Variants in FOXP4 observed in about 807,000 individuals in gnomAD.
The protein encoded by FOXP4 is forkhead box P4, also known as forkhead box protein P4.
Under a neutral mutation model 82.6 loss-of-function variants are expected in FOXP4, and 25 were observed. That is an observed-to-expected ratio of 0.30 (90% CI 0.22 to 0.42). The LOEUF is 0.42. FOXP4 is among the 10% of genes least tolerant of loss of function. The pLI is 1.00. For synonymous variants in FOXP4, 415 were observed against 388.2 expected, an observed-to-expected ratio of 1.07 and a Z score of -0.81; for missense variants, 785 against 900.9, an observed-to-expected ratio of 0.87 and a Z score of 1.65.
At chr6:41,594,748 G>A in intron 13 of FOXP4, 122 bp from the exon 14 acceptor site, 5 of 1,454,144 alleles carry the variant, frequency 3.4e-6, no homozygotes, top group African/African-American at 1.4e-5. Flanking sequence ...CCCCTCCCCT[G>A]CTCATCCCTG....
chr6:41,590,089 G>A lies in FOXP4; in HGVS notation c.1276G>A (p.Gly426Ser), dbSNP rs377667135. 1.5e-5 allele frequency: 25 copies of A among 1,613,604 alleles called. No homozygotes were observed. Among genetic ancestry groups the A allele is most frequent in the South Asian group, 4.4e-5 (4 of 91,070 alleles). The change falls in exon 11 of 17, where the codon GGC (glycine) becomes AGC (serine). Residue 426 changes from glycine (G) to serine (S), a missense_variant. Transcript: ENST00000307972. ...AAPVTPLRPP[G>S]LGSASLHGGG... ...CCCTGTCACCCCTCTACGGCCCCCT[G>A]GCCTGGGCTCTGCCTCCCTGCATGG... is the stretch of plus-strand genomic sequence containing the variant.
chr6:41,592,549 G>A (rs11752651), intron 13 of FOXP4, among the ~76,000 whole-genome samples: 5,874 of 152,194 alleles, frequency 0.039, 161 homozygotes, highest in South Asian at 0.072. Context: ...TTTTATAAAT[G>A]ATAGAGTCCT....
chr6:41,557,679 T>C (rs1274065262), intron 1 of FOXP4, among the ~76,000 whole-genome samples: 1 of 152,222 alleles, frequency 6.6e-6, no homozygotes, highest in Non-Finnish European at 1.5e-5. Flanking sequence ...AATTTCACTT[T>C]TTAAATGTTT....
At position 41,595,000 on chromosome 6, in the gene FOXP4, G is replaced by C; in HGVS notation, c.1658+9G>C. 6.2e-7 allele frequency: 1 copy of C among 1,613,886 alleles called. No individual in the cohort carries two copies. Among genetic ancestry groups the C allele is most frequent in the Non-Finnish European group, 8.5e-7 (1 of 1,179,940 alleles). ...CCGCCAAAGATGACAGGGTATGTGG[G>C]TCCAGAGCTGGATGGGCTGTACCTG... On this transcript the variant is annotated intron_variant, in intron 14 of 16. Coordinates refer to ENST00000307972, the MANE Select transcript of FOXP4 (RefSeq NM_001012426.2).
chr6:41,573,830 T>C (rs1372098878), intron 2 of FOXP4, among the ~76,000 whole-genome samples: 1 of 151,968 alleles, frequency 6.6e-6, no homozygotes, highest in East Asian at 1.9e-4. Flanking sequence ...AGAACTTGGA[T>C]CCAGATCTCT....
intron 2 of FOXP4, among the ~76,000 whole-genome samples, chr6:41,569,675 C>G (rs1050117943): frequency 3.3e-5 from 5 of 152,202 alleles, no homozygotes; most frequent in African/African-American, 4.8e-5. Context: ...GGCGGCGGTG[C>G]TGAGGCCACG....
intron 1 of FOXP4, among the ~76,000 whole-genome samples, chr6:41,561,013 G>A (rs972676886): frequency 6.6e-6 from 1 of 152,222 alleles, no homozygotes; most frequent in African/African-American, 2.4e-5. Flanking sequence ...GGTCTCCGGC[G>A]AGTTCCAAGG....
At position 41,597,925 on chromosome 6, in the gene FOXP4, C is replaced by T. The variant is rs1447117036; in HGVS notation, c.1870C>T (p.Pro624Ser). The T allele has an allele frequency of 6.4e-7, 1 of 1,563,256 alleles. No individual in the cohort carries two copies. Among genetic ancestry groups the T allele is most frequent in the Non-Finnish European group, 8.6e-7 (1 of 1,161,096 alleles). The part of the protein sequence containing the change: ...PLPSNGSSSP[P>S]RLSPPQYSHQ... ...GCCCAGCAACGGCAGCAGCAGCCCT[C>T]CTCGCCTCTCCCCGCCCCAGTACAG... Residue 624 changes from proline to serine, a missense_variant, in exon 16 of 17, where the codon CCT becomes TCT. This residue lies in a region of FOXP4 where 184 missense variants were observed against 187.3 expected (regional missense o/e 0.98). Coordinates refer to ENST00000307972, the MANE Select transcript of FOXP4 (RefSeq NM_001012426.2).
intron 9 of FOXP4, 52 bp downstream of exon 9, chr6:41,588,783 C>G: frequency 6.3e-7 from 1 of 1,593,738 alleles, no homozygotes; most frequent in Non-Finnish European, 8.6e-7. Context: ...AGCCCCTGCC[C>G]ACCCACAGCA....
intron 11 of FOXP4, 30 bp from the exon 12 acceptor site, chr6:41,590,241 G>A: frequency 6.2e-7 from 1 of 1,613,366 alleles, no homozygotes; most frequent in Non-Finnish European, 8.5e-7. Flanking sequence ...CCCCATATCT[G>A]GCTACCTCAT....
rs1367044306 is a variant in FOXP4, at chr6:41,593,899, C to T, written c.1537-971C>T. On this transcript the variant is annotated intron_variant, in intron 13 of 16. Coordinates refer to ENST00000307972, the MANE Select transcript of FOXP4 (RefSeq NM_001012426.2). The surrounding 1 kb of genome is among the most constrained non-coding windows in gnomAD (Gnocchi z 4.1). The stretch of plus-strand genomic sequence containing the variant: ...CCCGTTTAGAAATGTAAAGAGGAGA[C>T]AAGGATGGGGACGAGGCGGGGGAGG... Among the ~76,000 whole-genome samples the T allele has an allele frequency of 6.6e-6, 1 of 152,112 alleles. No homozygotes were observed. The highest frequency in any genetic ancestry group is 6.5e-5 in the Admixed American group (1 of 15,282).
intron 1 of FOXP4, 119 bp downstream of exon 1, chr6:41,546,986 C>G (rs941931867): frequency 4.0e-5 from 6 of 151,420 alleles, no homozygotes; most frequent in Admixed American, 6.6e-5. Flanking sequence ...GCAAACTGCC[C>G]GCCCGAGACG....
chr6:41,547,037 G>T (rs1274379964), intron 1 of FOXP4, among the ~76,000 whole-genome samples, 170 bp downstream of exon 1: 1 of 151,668 alleles, frequency 6.6e-6, no homozygotes, highest in Non-Finnish European at 1.5e-5. Context: ...GCCCGGGCCG[G>T]CGCACTTTGT....
In FOXP4 at chr6:41,601,970, C is replaced by T. The variant is rs1427834018; in HGVS notation, c.*3034C>T. On this transcript the variant is annotated 3_prime_UTR_variant, in exon 17 of 17. Transcript: ENST00000307972. ...ACTGCTGGAACTCTCCAGCCAAATG[C>T]TGGGAGAAGGACCTGGAGGGTGAGT... 1 of 152,234 alleles carries T rather than the reference C, an allele frequency of 6.6e-6. No individual in the cohort carries two copies. The highest frequency in any genetic ancestry group is 1.5e-5 in the Non-Finnish European group (1 of 68,042). 9.4% of individuals were successfully genotyped at this position (152,234 alleles called of 1,614,324 possible).
In FOXP4 at chr6:41,597,791, C is replaced by A; in HGVS notation, c.1736C>A (p.Ala579Asp). The A allele has an allele frequency of 6.2e-7, 1 of 1,606,778 alleles. No homozygotes were observed. The highest frequency in any genetic ancestry group is 8.5e-7 in the Non-Finnish European group (1 of 1,179,178). ...ALNASYQAAL[A>D]ESSFPLLNSP... ...CCTGTGCCCCTGCAGGCCGCCCTGG[C>A]CGAGAGCAGCTTCCCCCTCCTCAAC... The change falls in exon 16 of 17, where the codon GCC (alanine) becomes GAC (aspartate). Residue 579 changes from alanine to aspartate, a missense_variant. Transcript: ENST00000307972.
chr6:41,555,291 CCTT>C (rs1332570921), intron 1 of FOXP4, among the ~76,000 whole-genome samples: 2 of 151,994 alleles, frequency 1.3e-5, no homozygotes, highest in African/African-American at 4.8e-5. Flanking sequence ...ATTCTTTTTG[CCTT>C]CTTTCTACCA....
intron 9 of FOXP4, among the ~76,000 whole-genome samples, chr6:41,589,283 C>T (rs1766348488): frequency 3.3e-5 from 5 of 152,248 alleles, no homozygotes; most frequent in Admixed American, 2.6e-4. Context: ...CTGTGCTTAC[C>T]CATCTCCCTC....
chr6:41,577,027 C>T (rs1765526250), intron 2 of FOXP4, among the ~76,000 whole-genome samples: 1 of 152,232 alleles, frequency 6.6e-6, no homozygotes, highest in Non-Finnish European at 1.5e-5. Flanking sequence ...TAGATAATTT[C>T]CTGGGCCCTC....
intron 3 of FOXP4, among the ~76,000 whole-genome samples, chr6:41,583,049 A>G (rs1282137338): frequency 1.3e-5 from 2 of 152,094 alleles, no homozygotes; most frequent in Non-Finnish European, 2.9e-5. Flanking sequence ...AGAACAAAAA[A>G]CACTCCTAAG....
Sources: allele counts gnomAD v4.1 joint callset (sites outside exome capture counted in the v4.1 genomes callset), GRCh38; gene constraint gnomAD v4.1.1; regional missense constraint gnomAD v4.1.1; non-coding constraint Gnocchi (gnomAD v3.1); transcripts MANE v1.5; gene names NCBI Gene and HGNC (gene_info 2026-07-23, HGNC 2026-07-21).